Variants in KLK4 observed in about 807,000 individuals in gnomAD.
KLK4 encodes kallikrein-4.
Under a neutral mutation model 24.3 loss-of-function variants are expected in KLK4, and 24 were observed. The observed-to-expected ratio is 0.99, with a 90% confidence interval of 0.72 to 1.39. The LOEUF is 1.39. KLK4 is among the 40% of genes most tolerant of loss of function. The pLI, the probability that KLK4 is intolerant of heterozygous loss-of-function variation, is 0.00. For synonymous variants in KLK4, 142 were observed against 138.8 expected, an observed-to-expected ratio of 1.02 and a Z score of -0.16; for missense variants, 344 against 327.4, an observed-to-expected ratio of 1.05 and a Z score of -0.39.
chr19:50,907,404 C>CTTTTTTTTTTTTTT (rs147857832), intron 5 of KLK4, among the ~76,000 whole-genome samples: 1 of 110,726 alleles, frequency 9.0e-6, no homozygotes, highest in Non-Finnish European at 1.8e-5. Flanking sequence ...TTTGTAAAGT[C>CTTTTTTTTTTTTTT]TTTTTTTTTT....
intron 5 of KLK4, among the ~76,000 whole-genome samples, chr19:50,907,404 CTT>C (rs147857832): frequency 0.38 from 41,664 of 109,230 alleles, 5,646 homozygotes; most frequent in Middle Eastern, 0.42. Flanking sequence ...TTTGTAAAGT[CTT>C]TTTTTTTTTT....
Position 50,910,853 on chromosome 19 carries a change from G to A in KLK4, c.-11-104C>T, listed in dbSNP as rs2090482584. 5.1e-6 allele frequency: 5 copies of A among 987,890 alleles called. No homozygotes were observed. Among genetic ancestry groups the A allele is most frequent in the Admixed American group, 2.0e-5 (1 of 50,236 alleles). 61.2% of individuals were successfully genotyped at this position (987,890 alleles called of 1,614,324 possible). A position where few individuals can be genotyped will look rare whatever the true frequency, so the allele number is the denominator to read the frequency against. On this transcript the variant is annotated intron_variant, in intron 1 of 5. Coordinates refer to ENST00000324041, the Ensembl canonical transcript of KLK4. The surrounding 1 kb of genome is among the most constrained non-coding windows in gnomAD (Gnocchi z 4.4). ...TTTCTTCCCTCTGGGACGTTATTAG[G>A]TAGGCAAGAGCCTAGACCATCTACC...
intron 3 of KLK4, 50 bp downstream of exon 3, chr19:50,909,201 GC>G: frequency 6.2e-7 from 1 of 1,613,378 alleles, no homozygotes; most frequent in Non-Finnish European, 8.5e-7. Context: ...CTGATATTAG[GC>G]CCCGCCCCCG....
intron 3 of KLK4, 104 bp from the exon 4 acceptor site, chr19:50,908,933 C>A: frequency 6.5e-7 from 1 of 1,549,680 alleles, no homozygotes; most frequent in Non-Finnish European, 8.7e-7. Context: ...CCAACCCCAC[C>A]CTCTTCGCTA....
In KLK4 at chr19:50,910,877, C is replaced by A. The variant is rs997143491; in HGVS notation, c.-11-128G>T. On this transcript the variant is annotated intron_variant, in intron 1 of 5. Transcript: ENST00000324041. The surrounding 1 kb of genome is among the most constrained non-coding windows in gnomAD (Gnocchi z 4.4). ...GGTAGGCAAGAGCCTAGACCATCTACCCCCTCTCCCATCCATGGACCCAGA... is the reference window on the plus strand; with the variant it reads ...GGTAGGCAAGAGCCTAGACCATCTAACCCCTCTCCCATCCATGGACCCAGA... The A allele has an allele frequency of 6.5e-6, 5 of 764,456 alleles. No homozygotes were observed. The highest frequency in any genetic ancestry group is 1.1e-5 in the Non-Finnish European group (5 of 439,478). The allele number at this position is 764,456 out of a possible 1,614,324, so 47.4% of individuals were successfully genotyped here.
chr19:50,908,390 C>G, exon 5 of KLK4: 2 of 1,614,022 alleles, frequency 1.2e-6, no homozygotes, highest in Non-Finnish European at 1.7e-6. Flanking sequence ...TTGCCCTCCG[C>G]CGGCGCAGAA....
At chr19:50,909,094 C>G in intron 3 of KLK4, 158 bp downstream of exon 3, 1 of 1,391,422 alleles carries the variant, frequency 7.2e-7, no homozygotes, top group Non-Finnish European at 9.2e-7. Flanking sequence ...ATTCCCGCCT[C>G]CCAGCCCTTC....
At position 50,910,610 on chromosome 19, in the gene KLK4, C is replaced by A; in HGVS notation, c.61+68G>T. 1.4e-6 allele frequency: 2 copies of A among 1,420,420 alleles called. No homozygotes were observed. The highest frequency in any genetic ancestry group is 1.2e-5 in the South Asian group (1 of 81,398). The allele number at this position is 1,420,420 out of a possible 1,614,324, so 88.0% of individuals were successfully genotyped here. On this transcript the variant is annotated intron_variant, in intron 2 of 5. Coordinates refer to ENST00000324041, the Ensembl canonical transcript of KLK4. The surrounding 1 kb of genome is among the most constrained non-coding windows in gnomAD (Gnocchi z 4.4). ...AGTCACAAGCAAGAGGACACTGAGT[C>A]ACACCTGAACATTAACAAACACTGT...
chr19:50,909,082 A>C (rs1423756783), intron 3 of KLK4, 170 bp downstream of exon 3: 6 of 1,469,964 alleles, frequency 4.1e-6, no homozygotes, highest in Non-Finnish European at 5.4e-6. Context: ...TTCCGAAGCA[A>C]GATTCCCGCC....
chr19:50,910,667 T>G lies in KLK4; in HGVS notation c.61+11A>C. ...AAGCACGGACAGACACACACACGCATACTCAGATACCTGCGACACCAAGGA... is the reference window on the plus strand; with the variant it reads ...AAGCACGGACAGACACACACACGCAGACTCAGATACCTGCGACACCAAGGA... On this transcript the variant is annotated intron_variant, in intron 2 of 5. Coordinates refer to ENST00000324041, the Ensembl canonical transcript of KLK4. This position sits in a 1 kb window ranked among gnomAD's most constrained non-coding sequence, Gnocchi z 4.4. 1 of 1,553,314 alleles carries G rather than the reference T, an allele frequency of 6.4e-7. No homozygotes were observed. Among genetic ancestry groups the G allele is most frequent in the Non-Finnish European group, 8.7e-7 (1 of 1,147,616 alleles).
rs775380241 is a variant in KLK4 at position 50,909,422 on chromosome 19, C to G, written c.62-8G>C. On this transcript the variant is annotated splice_polypyrimidine_tract_variant and splice_region_variant and intron_variant, in intron 2 of 5. Transcript: ENST00000324041. ...TACCAGAGACGAGCGATCCTGAGGG[C>G]GGAGTCAGGGATGGGATCGGGACCA... The G allele has an allele frequency of 2.5e-6, 4 of 1,613,828 alleles. No individual in the cohort carries two copies. In the South Asian group the frequency reaches 4.4e-5, roughly 18 times the overall value.
chr19:50,908,633 A>C, exon 4 of KLK4: 4 of 1,614,210 alleles, frequency 2.5e-6, no homozygotes, highest in Non-Finnish European at 3.4e-6. Flanking sequence ...GCGGTAGGGC[A>C]CTGCGAAGCA....
chr19:50,909,375 C>G, exon 3 of KLK4: 1 of 1,614,166 alleles, frequency 6.2e-7, no homozygotes, highest in Non-Finnish European at 8.5e-7. Context: ...GCAGTCCTCG[C>G]CGTTTATGAT....
chr19:50,909,355 A>G (rs775083857), exon 3 of KLK4: 19 of 1,614,082 alleles, frequency 1.2e-5, no homozygotes, highest in Non-Finnish European at 1.6e-5. Flanking sequence ...CAGGGCTGCG[A>G]GTGCGGGCTG....
Position 50,908,568 on chromosome 19 carries a change from C to T in KLK4, c.475+11G>A, listed in dbSNP as rs1454432442. ...TCCTTGAAGAGGGCAGACACACACC[C>T]GTGAGCTCACCGTTCGCCAGCAGAC... On this transcript the variant is annotated intron_variant, in intron 4 of 5. Coordinates refer to ENST00000324041, the Ensembl canonical transcript of KLK4. The T allele has an allele frequency of 6.2e-7, 1 of 1,614,212 alleles. No individual in the cohort carries two copies. Among genetic ancestry groups the T allele is most frequent in the Non-Finnish European group, 8.5e-7 (1 of 1,180,040 alleles).
rs1051466753 is a variant in KLK4 at position 50,909,179 on chromosome 19, C to G, written c.224+73G>C. 4.3e-6 allele frequency: 7 copies of G among 1,612,114 alleles called. No individual in the cohort carries two copies. In the African/African-American group the frequency reaches 6.7e-5, roughly 15 times the overall value. The stretch of plus-strand genomic sequence containing the variant: ...TTCACCGCTGTTTCCCCCTGAGCAC[C>G]CCAAGATGAGCCTGATATTAGGCCC... On this transcript the variant is annotated intron_variant, in intron 3 of 5. Transcript: ENST00000324041.
chr19:50,907,168 A>G, intron 5 of KLK4, 82 bp from the exon 6 acceptor site: 2 of 1,390,844 alleles, frequency 1.4e-6, no homozygotes, highest in Non-Finnish European at 2.0e-6. Context: ...ACTAAATGAG[A>G]CTGAGAAACA....
chr19:50,909,892 G>T (rs1342076512), intron 2 of KLK4, among the ~76,000 whole-genome samples: 1 of 151,908 alleles, frequency 6.6e-6, no homozygotes, highest in East Asian at 1.9e-4. Context: ...GGGTTACAGC[G>T]CAGGGGCGCC....
In KLK4 at chr19:50,910,650, A is replaced by T. The variant is rs2978642; in HGVS notation, c.61+28T>A. The T allele has an allele frequency of 0.26, 399,519 of 1,547,322 alleles. 55,780 individuals carry two copies. The highest frequency in any genetic ancestry group is 0.54 in the African/African-American group (39,697 of 72,984). On this transcript the variant is annotated intron_variant, in intron 2 of 5. Coordinates refer to ENST00000324041, the Ensembl canonical transcript of KLK4. This position sits in a 1 kb window ranked among gnomAD's most constrained non-coding sequence, Gnocchi z 4.4. ...ACAAACACTGTGCCCCCAAGCACGG[A>T]CAGACACACACACGCATACTCAGAT...
Sources: allele counts gnomAD v4.1 joint callset (sites outside exome capture counted in the v4.1 genomes callset), GRCh38; gene constraint gnomAD v4.1.1; non-coding constraint Gnocchi (gnomAD v3.1); transcripts MANE v1.5; gene names NCBI Gene and HGNC (gene_info 2026-07-23, HGNC 2026-07-21).